EPB41L4A: variants seen among roughly 807,000 people sequenced by gnomAD.
The protein encoded by EPB41L4A is erythrocyte membrane protein band 4.1 like 4A.
In EPB41L4A, 100 loss-of-function variants were observed where a neutral mutation model predicts 108.6. The ratio of observed to expected loss-of-function variants is 0.92; its 90% confidence interval spans 0.78 to 1.09. The LOEUF (loss-of-function observed/expected upper bound fraction) is 1.09, where lower values mean the gene tolerates loss of function less well. Among genes scored for constraint, EPB41L4A ranks in the 50% least tolerant of loss-of-function variants. The pLI is 0.00. For missense variants in EPB41L4A, 1,030 were observed against 842.7 expected (o/e 1.22, Z -2.75); for synonymous variants, 319 against 289.0 (o/e 1.10, Z -1.05).
At chr5:112,383,240 C>A (rs986512519) in intron 1 of EPB41L4A, among the ~76,000 whole-genome samples, 4 of 152,094 alleles carry the variant, frequency 2.6e-5, no homozygotes, top group African/African-American at 9.7e-5. Flanking sequence ...TAAGTGGAGC[C>A]AATAATGAAG....
chr5:112,360,383 C>G (rs915153026), intron 1 of EPB41L4A, among the ~76,000 whole-genome samples: 4 of 152,258 alleles, frequency 2.6e-5, no homozygotes, highest in African/African-American at 9.6e-5. Flanking sequence ...GCCTGATTCT[C>G]CTGCCTCAGC....
chr5:112,267,329 C>T (rs1214989337), intron 4 of EPB41L4A, among the ~76,000 whole-genome samples: 1 of 152,194 alleles, frequency 6.6e-6, no homozygotes, highest in Admixed American at 6.5e-5. Flanking sequence ...CTATAATAAT[C>T]AGCTATATTA....
intron 12 of EPB41L4A, among the ~76,000 whole-genome samples, chr5:112,156,695 A>C (rs1356245622): frequency 6.6e-6 from 1 of 152,232 alleles, no homozygotes; most frequent in African/African-American, 2.4e-5. Context: ...CGACTATCAC[A>C]CATACCATTT....
chr5:112,243,267 A>ATGTG (rs1395513878), intron 9 of EPB41L4A, among the ~76,000 whole-genome samples: 1 of 117,446 alleles, frequency 8.5e-6, no homozygotes, highest in African/African-American at 3.9e-5. Flanking sequence ...ACATATATAT[A>ATGTG]TGTGTGTGTA....
chr5:112,331,300 C>T (rs1441886019), intron 1 of EPB41L4A, among the ~76,000 whole-genome samples: 2 of 152,156 alleles, frequency 1.3e-5, no homozygotes, highest in African/African-American at 4.8e-5. Flanking sequence ...CCTTCCAACC[C>T]GTCCTCTCCT....
At chr5:112,333,009 T>C (rs1161131334) in intron 1 of EPB41L4A, among the ~76,000 whole-genome samples, 3 of 152,236 alleles carry the variant, frequency 2.0e-5, no homozygotes, top group Admixed American at 2.0e-4. Flanking sequence ...TATTGATTTA[T>C]AAGCATAAAT....
chr5:112,182,311 C>T (rs1015090018), intron 18 of EPB41L4A, among the ~76,000 whole-genome samples: 1 of 152,070 alleles, frequency 6.6e-6, no homozygotes, highest in African/African-American at 2.4e-5. Flanking sequence ...GACCACTTGA[C>T]TAAAAAATTA....
intron 1 of EPB41L4A, among the ~76,000 whole-genome samples, chr5:112,330,009 C>T (rs906255122): frequency 6.6e-6 from 1 of 152,174 alleles, no homozygotes; most frequent in African/African-American, 2.4e-5. Context: ...ATCTGCCCAA[C>T]TGCACCACAG....
intron 1 of EPB41L4A, among the ~76,000 whole-genome samples, chr5:112,336,293 G>C (rs929675524): frequency 1.3e-5 from 2 of 152,198 alleles, no homozygotes; most frequent in Non-Finnish European, 1.5e-5. Flanking sequence ...GTTTGAGAAA[G>C]TGCAGGTCAA....
At chr5:112,185,960 C>A (rs1442214064) in intron 17 of EPB41L4A, among the ~76,000 whole-genome samples, 3 of 151,960 alleles carry the variant, frequency 2.0e-5, no homozygotes, top group South Asian at 2.1e-4. Context: ...TCCTGGACAC[C>A]CCCAGGACTG....
chr5:112,173,459 T>G (rs1192887903), intron 18 of EPB41L4A: 2 of 152,088 alleles, frequency 1.3e-5, no homozygotes, highest in African/African-American at 4.8e-5. Context: ...TGCAGGTAAT[T>G]TTATTTTCTT....
intron 1 of EPB41L4A, among the ~76,000 whole-genome samples, chr5:112,314,388 C>T (rs2150599552): frequency 6.6e-6 from 1 of 151,494 alleles, no homozygotes; most frequent in Admixed American, 6.6e-5. Context: ...TGGAAGTCAG[C>T]CGGGCATGGT....
chr5:112,209,420 A>T (rs1002726269), intron 13 of EPB41L4A, among the ~76,000 whole-genome samples: 11 of 152,266 alleles, frequency 7.2e-5, no homozygotes, highest in Admixed American at 2.6e-4. Flanking sequence ...GAGGACCATG[A>T]CAAGTCTTCA....
intron 1 of EPB41L4A, among the ~76,000 whole-genome samples, chr5:112,384,570 G>C (rs1470075098): frequency 2.6e-5 from 4 of 151,934 alleles, no homozygotes; most frequent in Admixed American, 2.6e-4. Context: ...CCTTCTCATG[G>C]AAACAGATGG....
intron 2 of EPB41L4A, among the ~76,000 whole-genome samples, chr5:112,283,510 C>G (rs754387082): frequency 6.6e-6 from 1 of 152,098 alleles, no homozygotes; most frequent in South Asian, 2.1e-4. Context: ...AACACAGCAG[C>G]CTGTTACTCT....
At chr5:112,342,466 C>T (rs992401102) in intron 1 of EPB41L4A, among the ~76,000 whole-genome samples, 1 of 152,198 alleles carries the variant, frequency 6.6e-6, no homozygotes, top group Non-Finnish European at 1.5e-5. Flanking sequence ...GTGCTGGTGG[C>T]AGATTTTACA....
chr5:112,263,003 C>CT (rs1258999268), intron 6 of EPB41L4A, among the ~76,000 whole-genome samples: 3 of 152,186 alleles, frequency 2.0e-5, no homozygotes, highest in Admixed American at 2.0e-4. Flanking sequence ...GAGAATGGGG[C>CT]TGCCACCACC....
chr5:112,321,406 A>C (rs1426889589), intron 1 of EPB41L4A, among the ~76,000 whole-genome samples: 4 of 152,228 alleles, frequency 2.6e-5, no homozygotes, highest in Non-Finnish European at 1.5e-5. Flanking sequence ...ATTTCCCCAC[A>C]GGAATCACAG....
chr5:112,412,279 C>T (rs1762457280), intron 1 of EPB41L4A, among the ~76,000 whole-genome samples: 1 of 152,176 alleles, frequency 6.6e-6, no homozygotes, highest in Non-Finnish European at 1.5e-5. Flanking sequence ...ACTTCTCACA[C>T]ATTTTGGAAG....
Sources: gnomAD v4.1 joint callset for allele counts (sites outside exome capture counted in the v4.1 genomes callset) on GRCh38, gnomAD v4.1.1 for gene constraint, MANE v1.5 for transcripts, NCBI Gene and HGNC (gene_info 2026-07-23, HGNC 2026-07-21) for gene names.